The following SGCZ variants were observed in gnomAD, a reference collection of about 807,000 sequenced individuals.
SGCZ encodes sarcoglycan zeta.
SGCZ carries 40 observed loss-of-function variants against 41.3 expected under a neutral mutation model. The ratio of observed to expected loss-of-function variants is 0.97; its 90% CI spans 0.75 to 1.26. The LOEUF (loss-of-function observed/expected upper bound fraction) is 1.26. Among genes scored for constraint, SGCZ ranks in the 50% most tolerant of loss-of-function variants. The pLI is 0.00. For synonymous variants in SGCZ, 206 were observed against 137.5 expected (o/e 1.50, Z -3.49); for missense variants, 552 against 369.8 (o/e 1.49, Z -4.04).
chr8:14,813,235 G>T (rs1394941150), intron 1 of SGCZ, among the ~76,000 whole-genome samples: 1 of 152,086 alleles, frequency 6.6e-6, no homozygotes, highest in Admixed American at 6.6e-5. Context: ...CTTTGGAAGA[G>T]TTTCTCCCTC....
intron 4 of SGCZ, among the ~76,000 whole-genome samples, chr8:14,226,459 A>G (rs1304704038): frequency 6.6e-6 from 1 of 152,074 alleles, no homozygotes; most frequent in Non-Finnish European, 1.5e-5. Flanking sequence ...TGTCCTTTTA[A>G]GAACGTCATA....
intron 4 of SGCZ, among the ~76,000 whole-genome samples, chr8:14,222,137 C>T (rs983148546): frequency 2.0e-5 from 3 of 151,998 alleles, no homozygotes; most frequent in African/African-American, 4.8e-5. Flanking sequence ...ATTTACATTA[C>T]TTCAGGTTTT....
chr8:14,252,904 C>A (rs76904877), intron 3 of SGCZ, among the ~76,000 whole-genome samples: 4,855 of 152,186 alleles, frequency 0.032, 89 homozygotes, highest in African/African-American at 0.053. Context: ...TTATCTTTTG[C>A]AAATTTAGAA....
chr8:14,717,162 T>C (rs557066425), intron 1 of SGCZ, among the ~76,000 whole-genome samples: 92 of 152,196 alleles, frequency 6.0e-4, no homozygotes, highest in African/African-American at 2.2e-3. Flanking sequence ...TTTTGTATCA[T>C]TTAGAAAAAT....
At chr8:14,321,410 TA>T (rs1489681500) in intron 3 of SGCZ, among the ~76,000 whole-genome samples, 3 of 152,074 alleles carry the variant, frequency 2.0e-5, no homozygotes, top group Non-Finnish European at 4.4e-5. Flanking sequence ...GAGGAGCTTG[TA>T]AAGTTGGCCC....
intron 1 of SGCZ, among the ~76,000 whole-genome samples, chr8:15,063,386 T>C (rs998399231): frequency 1.3e-5 from 2 of 152,152 alleles, no homozygotes; most frequent in East Asian, 1.9e-4. Context: ...GTGGTCTACA[T>C]GACCATTTCT....
intron 2 of SGCZ, among the ~76,000 whole-genome samples, chr8:14,384,125 C>T (rs550470055): frequency 1.3e-5 from 2 of 151,934 alleles, no homozygotes; most frequent in East Asian, 3.9e-4. Context: ...CTCCCGCTAC[C>T]CCACAACAGT....
intron 1 of SGCZ, among the ~76,000 whole-genome samples, chr8:15,093,857 G>A (rs991636476): frequency 2.6e-5 from 4 of 152,108 alleles, no homozygotes; most frequent in African/African-American, 9.7e-5. Flanking sequence ...TTATATATGA[G>A]TGTCCACTTA....
At chr8:14,271,621 C>A (rs1444875252) in intron 3 of SGCZ, among the ~76,000 whole-genome samples, 1 of 152,180 alleles carries the variant, frequency 6.6e-6, no homozygotes, top group Non-Finnish European at 1.5e-5. Flanking sequence ...TTCCTATATG[C>A]TTGTCCAATA....
intron 4 of SGCZ, among the ~76,000 whole-genome samples, chr8:14,213,548 TAAAGG>T (rs1805889236): frequency 6.6e-6 from 1 of 151,818 alleles, no homozygotes; most frequent in African/African-American, 2.4e-5. Flanking sequence ...AAAGCATAAT[TAAAGG>T]AAACTTTCCA....
At chr8:14,343,305 C>T (rs1267533173) in intron 2 of SGCZ, among the ~76,000 whole-genome samples, 1 of 152,122 alleles carries the variant, frequency 6.6e-6, no homozygotes, top group Admixed American at 6.5e-5. Context: ...AGAAGAGGGC[C>T]ACCATCCTCC....
chr8:15,237,371 C>G (rs1802167572), intron 1 of SGCZ, among the ~76,000 whole-genome samples: 1 of 152,210 alleles, frequency 6.6e-6, no homozygotes, highest in African/African-American at 2.4e-5. Flanking sequence ...GGAGGGCGCC[C>G]AGCCCGGGAG....
chr8:15,067,602 A>C (rs1298368604), intron 1 of SGCZ, among the ~76,000 whole-genome samples: 1 of 151,670 alleles, frequency 6.6e-6, no homozygotes, highest in South Asian at 2.1e-4. Context: ...TCATCTTTTA[A>C]AACTTTTTAT....
At chr8:14,835,314 A>T (rs6530809) in intron 1 of SGCZ, among the ~76,000 whole-genome samples, 24,133 of 152,178 alleles carry the variant, frequency 0.16, 3,848 homozygotes, top group African/African-American at 0.41. Flanking sequence ...ATAAATACTA[A>T]TATTTTTCTG....
chr8:14,942,972 T>C (rs796245982), intron 1 of SGCZ, among the ~76,000 whole-genome samples: 7 of 152,312 alleles, frequency 4.6e-5, no homozygotes, highest in South Asian at 2.1e-4. Flanking sequence ...TTTAGATTGA[T>C]TGCTGAATCA....
chr8:14,190,014 C>CTTTTTTTTTTTTT lies in SGCZ; in HGVS notation c.425-25325_425-25313dup, dbSNP rs71304966. 2.1e-3 allele frequency among the ~76,000 whole-genome samples: 210 copies of CTTTTTTTTTTTTT among 100,172 alleles called. 6 individuals are homozygous for CTTTTTTTTTTTTT. The highest frequency in any genetic ancestry group is 2.8e-3 in the South Asian group (9 of 3,202). The allele number at this position is 100,172 out of a possible 152,430, so 65.7% of individuals were successfully genotyped here. ...GAATCTACTTTTTCTTTCTTTCTTTCTTTTTTTTTTTTTTTTGAGACGGAC... is the reference window on the plus strand; with the variant it reads ...GAATCTACTTTTTCTTTCTTTCTTTCTTTTTTTTTTTTTTTTTTTTTTTTTTTTTGAGACGGAC... On this transcript the variant is annotated intron_variant, in intron 4 of 7. Transcript: ENST00000382080.
At chr8:14,794,994 C>T (rs529358079) in intron 1 of SGCZ, among the ~76,000 whole-genome samples, 70 of 152,212 alleles carry the variant, frequency 4.6e-4, no homozygotes, top group African/African-American at 1.6e-3. Context: ...ATAACTTTTC[C>T]GGTATCTCTT....
intron 2 of SGCZ, among the ~76,000 whole-genome samples, chr8:14,488,629 G>C (rs181409742): frequency 1.4e-3 from 220 of 152,124 alleles, no homozygotes; most frequent in African/African-American, 5.0e-3. Context: ...CCATCGCTGT[G>C]AGAAGTTAGG....
chr8:15,073,151 G>A (rs1209992899), intron 1 of SGCZ, among the ~76,000 whole-genome samples: 1 of 152,166 alleles, frequency 6.6e-6, no homozygotes, highest in Non-Finnish European at 1.5e-5. Context: ...ACCAGGCAGT[G>A]GAGGAAGGGA....
Sources: allele counts gnomAD v4.1 joint callset (sites outside exome capture counted in the v4.1 genomes callset), GRCh38; gene constraint gnomAD v4.1.1; transcripts MANE v1.5; gene names NCBI Gene and HGNC (gene_info 2026-07-23, HGNC 2026-07-21).